The following PPP2R5B variants were observed in gnomAD, a reference collection of about 807,000 sequenced individuals.
PPP2R5B encodes the protein serine/threonine-protein phosphatase 2A 56 kDa regulatory subunit beta isoform.
PPP2R5B carries 19 observed loss-of-function variants against 59.9 expected under a neutral mutation model. The ratio of observed to expected loss-of-function variants is 0.32; its 90% CI spans 0.22 to 0.47. PPP2R5B has a LOEUF of 0.47. Among genes scored for constraint, PPP2R5B ranks in the 20% least tolerant of loss-of-function variants. The pLI is 1.00. For missense variants in PPP2R5B, 441 were observed against 640.2 expected (o/e 0.69, Z 3.36); for synonymous variants, 286 against 260.5 (o/e 1.10, Z -0.94).
chr11:64,931,613 TGAA>T lies in PPP2R5B; in HGVS notation c.996+9_996+11del, dbSNP rs763646672. 1.2e-6 allele frequency: 2 copies of T among 1,613,806 alleles called. No homozygotes were observed. Among genetic ancestry groups the T allele is most frequent in the East Asian group, 2.2e-5 (1 of 44,880 alleles). ...AAAAACCTGCACCCAGAAGGAGGTA[TGAA>T]GAAGGGCTTTGATGCCCGCCAGAGG... On this transcript the variant is annotated splice_donor_5th_base_variant and intron_variant, in intron 10 of 13. Coordinates refer to ENST00000164133, the MANE Select transcript of PPP2R5B (RefSeq NM_006244.4). This position sits in a 1 kb window ranked among gnomAD's most constrained non-coding sequence, Gnocchi z 5.0.
rs765528912 is a variant in PPP2R5B at position 64,931,816 on chromosome 11, A to T, written c.1064A>T (p.Gln355Leu). ...VIEPSQFVKI[Q>L]EPLFKQVARC... ...GAGCCCTCCCAGTTTGTGAAGATCC[A>T]GGAGCCCCTTTTTAAGCAGGTGGCT... Residue 355 changes from glutamine (Q) to leucine (L), a missense_variant, in exon 11 of 14, where the codon CAG becomes CTG. This residue lies in a region of PPP2R5B where 268 missense variants were observed against 488.1 expected (regional missense o/e 0.55). Coordinates refer to ENST00000164133, the MANE Select transcript of PPP2R5B (RefSeq NM_006244.4). The surrounding 1 kb of genome is among the most constrained non-coding windows in gnomAD (Gnocchi z 5.0). 1 of 1,614,188 alleles carries T rather than the reference A, an allele frequency of 6.2e-7. No individual in the cohort carries two copies. Among genetic ancestry groups the T allele is most frequent in the South Asian group, 1.1e-5 (1 of 91,086 alleles).
At chr11:64,933,526 T>C (rs1217907487) in intron 13 of PPP2R5B, among the ~76,000 whole-genome samples, 171 bp from the exon 14 acceptor site, 1 of 152,206 alleles carries the variant, frequency 6.6e-6, no homozygotes, top group Non-Finnish European at 1.5e-5. Flanking sequence ...CTGGGATCTG[T>C]CTGTCCTCTG....
intron 6 of PPP2R5B, 92 bp from the exon 7 acceptor site, chr11:64,930,230 G>A (rs1945213698): frequency 7.2e-7 from 1 of 1,382,082 alleles, no homozygotes; most frequent in Non-Finnish European, 1.0e-6. Context: ...GGATGAGCGT[G>A]CCGTGCAGGT....
intron 13 of PPP2R5B, 77 bp downstream of exon 13, chr11:64,933,323 G>A (rs1311508313): frequency 1.1e-5 from 14 of 1,266,438 alleles, no homozygotes; most frequent in African/African-American, 8.8e-5. Flanking sequence ...GAGGGAACCC[G>A]AGGACTACCC....
upstream of PPP2R5B, among the ~76,000 whole-genome samples, chr11:64,922,126 T>C (rs1282911980): frequency 6.6e-6 from 1 of 151,340 alleles, no homozygotes; most frequent in Non-Finnish European, 1.5e-5. Flanking sequence ...GTGGGAGGAT[T>C]GCTTGAGCCC....
At chr11:64,922,362 G>A (rs1945117148), upstream of PPP2R5B, among the ~76,000 whole-genome samples, 2 of 151,966 alleles carry the variant, frequency 1.3e-5, no homozygotes, top group Admixed American at 6.6e-5. Context: ...GCGTGCATCT[G>A]TGGTTCCAGC....
rs779868416 is a variant in PPP2R5B, at chr11:64,930,461, C to A, written c.783-20C>A. The A allele has an allele frequency of 6.2e-7, 1 of 1,613,944 alleles. No homozygotes were observed. The highest frequency in any genetic ancestry group is 1.1e-5 in the South Asian group (1 of 91,078). ...GCCAGGTCACCTGAGCCCTCTTCCT[C>A]TCTTCTGCCTCCTCCTCAGCATCAT... On this transcript the variant is annotated intron_variant, in intron 7 of 13. Coordinates refer to ENST00000164133, the MANE Select transcript of PPP2R5B (RefSeq NM_006244.4).
At position 64,926,766 on chromosome 11, in the gene PPP2R5B, G is replaced by T. The variant is rs1056820524; in HGVS notation, c.254G>T (p.Gly85Val). Residue 85 changes from glycine to valine, a missense_variant, in exon 3 of 14, where the codon GGG (glycine) becomes GTG (valine). Physicochemically the swap from Gly to Val is moderately radical, Grantham distance 109. This residue lies in a region of PPP2R5B where 268 missense variants were observed against 488.1 expected (regional missense o/e 0.55). Coordinates refer to ENST00000164133, the MANE Select transcript of PPP2R5B (RefSeq NM_006244.4). ...ELLSRKLAQC[G>V]VMFDFLDCVA... ...CTGAGCCGGAAGCTGGCCCAGTGTG[G>T]GGTGATGTTTGACTTCTTGGACTGT... 13 of 1,614,230 alleles carry T rather than the reference G, an allele frequency of 8.1e-6. No homozygotes were observed. Among genetic ancestry groups the T allele is most frequent in the East Asian group, 2.2e-5 (1 of 44,880 alleles).
Position 64,931,325 on chromosome 11 carries a change from G to A in PPP2R5B, c.892-111G>A, listed in dbSNP as rs1373922648. On this transcript the variant is annotated intron_variant, in intron 8 of 13. Transcript: ENST00000164133. This position sits in a 1 kb window ranked among gnomAD's most constrained non-coding sequence, Gnocchi z 5.0. ...TGATAAATGCTTGGTGAATAAGAAA[G>A]TAACAGGCCGTGGGTGAGCAGTATT... 2 of 1,188,916 alleles carry A rather than the reference G, an allele frequency of 1.7e-6. No homozygotes were observed. The highest frequency in any genetic ancestry group is 2.5e-5 in the East Asian group (1 of 39,348). 73.6% of individuals were successfully genotyped at this position (1,188,916 alleles called of 1,614,324 possible).
upstream of PPP2R5B, among the ~76,000 whole-genome samples, chr11:64,921,021 C>T (rs1565094699): frequency 6.6e-6 from 1 of 150,680 alleles, no homozygotes; most frequent in Non-Finnish European, 1.5e-5. Flanking sequence ...GGGGCATGAT[C>T]ACAGTTCACT....
chr11:64,933,403 CT>C (rs1216385741), intron 13 of PPP2R5B, among the ~76,000 whole-genome samples, 157 bp downstream of exon 13: 2 of 152,276 alleles, frequency 1.3e-5, no homozygotes, highest in East Asian at 1.9e-4. Context: ...CTGTCTGCCC[CT>C]GTATCCTCCC....
upstream of PPP2R5B, among the ~76,000 whole-genome samples, chr11:64,922,309 C>G (rs1565095614): frequency 8.2e-6 from 1 of 121,282 alleles, no homozygotes. Flanking sequence ...CATGGCGAAA[C>G]CCTGTCTCTA....
rs376929601 is a variant in PPP2R5B at position 64,926,698 on chromosome 11, C to T, written c.200-14C>T. ...GAGCTGGGGCCCAGGCCCAGGATGC[C>T]CTCTCCTCCCCAGATGTGCCGGCTT... is the stretch of plus-strand genomic sequence containing the variant. On this transcript the variant is annotated splice_polypyrimidine_tract_variant and intron_variant, in intron 2 of 13. Transcript: ENST00000164133. 6 of 1,612,344 alleles carry T rather than the reference C, an allele frequency of 3.7e-6. No homozygotes were observed. Among genetic ancestry groups the T allele is most frequent in the Non-Finnish European group, 5.1e-6 (6 of 1,178,874 alleles).
chr11:64,928,767 C>T (rs552666086), intron 6 of PPP2R5B, among the ~76,000 whole-genome samples: 48 of 152,156 alleles, frequency 3.2e-4, no homozygotes, highest in Non-Finnish European at 5.7e-4. Flanking sequence ...GCCTGTAGTC[C>T]CAGCTACTCG....
Position 64,931,723 on chromosome 11 carries a change from C to T in PPP2R5B, c.997-26C>T. On this transcript the variant is annotated intron_variant, in intron 10 of 13. Coordinates refer to ENST00000164133, the MANE Select transcript of PPP2R5B (RefSeq NM_006244.4). The surrounding 1 kb of genome is among the most constrained non-coding windows in gnomAD (Gnocchi z 5.0). ...AGATGTGAGCTGCTGCCCCTCTGTC[C>T]CTACTCCCCTCCCCAACCCACCCAG... 6.2e-7 allele frequency: 1 copy of T among 1,614,030 alleles called. No homozygotes were observed. The highest frequency in any genetic ancestry group is 8.5e-7 in the Non-Finnish European group (1 of 1,179,950).
chr11:64,923,551 C>G (rs956131129), upstream of PPP2R5B, among the ~76,000 whole-genome samples: 4 of 152,194 alleles, frequency 2.6e-5, no homozygotes, highest in African/African-American at 7.2e-5. Context: ...GCCCTCGGTG[C>G]AGGCCTCTGC....
chr11:64,930,524 C>T lies in PPP2R5B; in HGVS notation c.826C>T (p.Gln276Ter). 6.2e-7 allele frequency: 1 copy of T among 1,614,202 alleles called. No individual in the cohort carries two copies. Among genetic ancestry groups the T allele is most frequent in the Non-Finnish European group, 8.5e-7 (1 of 1,180,044 alleles). Residue 276 changes from glutamine (Q) to a stop codon, truncating the protein, a stop_gained, in exon 8 of 14, where the codon CAG becomes TAG. Coordinates refer to ENST00000164133, the MANE Select transcript of PPP2R5B (RefSeq NM_006244.4). LOFTEE classifies it high-confidence loss of function. Reference protein sequence around the residue: ...FALPLKTEHKQFLVRVLIPLH... With the variant: ...FALPLKTEHK The stretch of plus-strand genomic sequence containing the variant: ...GCTGCCCCTGAAGACGGAGCACAAG[C>T]AGTTCCTGGTTCGCGTCCTGATCCC...
chr11:64,923,444 G>C (rs574283382), upstream of PPP2R5B, among the ~76,000 whole-genome samples: 1 of 152,222 alleles, frequency 6.6e-6, no homozygotes, highest in Non-Finnish European at 1.5e-5. Context: ...GGACACCAAG[G>C]GCCGGATGGG....
chr11:64,930,649 G>A, intron 8 of PPP2R5B, 60 bp downstream of exon 8: 1 of 1,381,102 alleles, frequency 7.2e-7, no homozygotes, highest in Non-Finnish European at 1.0e-6. Context: ...GCAGCCAGTG[G>A]GTCCTGGAGG....
Sources: gnomAD v4.1 joint callset for allele counts (sites outside exome capture counted in the v4.1 genomes callset) on GRCh38, gnomAD v4.1.1 for gene constraint, gnomAD v4.1.1 regional missense constraint, Gnocchi (gnomAD v3.1) non-coding constraint, MANE v1.5 for transcripts, NCBI Gene and HGNC (gene_info 2026-07-23, HGNC 2026-07-21) for gene names.